Variants in SNX25 observed in about 807,000 individuals in gnomAD.
SNX25 encodes sorting nexin-25.
In SNX25, 62 loss-of-function variants were observed where a neutral mutation model predicts 113.7. The ratio of observed to expected loss-of-function variants is 0.55; its 90% CI spans 0.44 to 0.67. The LOEUF (loss-of-function observed/expected upper bound fraction) is 0.67. Ranked by LOEUF, SNX25 falls within the 30% of genes least tolerant of loss-of-function variation. The pLI is 0.00. For missense variants in SNX25, 1,014 were observed against 1,161.0 expected (o/e 0.87, Z 1.84); for synonymous variants, 421 against 436.2 (o/e 0.97, Z 0.43).
At chr4:185,371,398 T>C (rs149638520), downstream of SNX25, among the ~76,000 whole-genome samples, 3,530 of 151,864 alleles carry the variant, frequency 0.023, 51 homozygotes, top group Non-Finnish European at 0.028. Context: ...AAAAATTAGC[T>C]GGGCATGGTA....
chr4:185,371,345 C>G (rs111504964), downstream of SNX25, among the ~76,000 whole-genome samples: 4 of 152,124 alleles, frequency 2.6e-5, 1 homozygote, highest in African/African-American at 9.6e-5. Flanking sequence ...TGAGACCATC[C>G]TGGCTAACAT....
intron 10 of SNX25, among the ~76,000 whole-genome samples, chr4:185,335,770 T>C (rs1458318294): frequency 1.3e-5 from 2 of 152,162 alleles, no homozygotes; most frequent in East Asian, 3.8e-4. Flanking sequence ...ACACAAGTGA[T>C]GAGTAAATGC....
intron 2 of SNX25, among the ~76,000 whole-genome samples, chr4:185,251,551 A>G (rs1162852815): frequency 6.6e-6 from 1 of 151,056 alleles, no homozygotes; most frequent in African/African-American, 2.4e-5. Context: ...ATATTGTAGC[A>G]TGTGACAGGA....
At chr4:185,214,532 C>T (rs575388676) in intron 1 of SNX25, among the ~76,000 whole-genome samples, 35 of 152,042 alleles carry the variant, frequency 2.3e-4, no homozygotes, top group African/African-American at 5.1e-4. Context: ...ATGATCACAC[C>T]GCCATATTCC....
At chr4:185,314,993 C>T (rs951153510) in intron 7 of SNX25, among the ~76,000 whole-genome samples, 2 of 151,772 alleles carry the variant, frequency 1.3e-5, no homozygotes, top group Non-Finnish European at 2.9e-5. Flanking sequence ...CTTTGGGAGG[C>T]CGAGGCGGGC....
rs1174424034 is a variant in SNX25, at chr4:185,210,189, G to A, written c.363G>A (p.Gln121=). 2.0e-6 allele frequency: 2 copies of A among 984,952 alleles called. No homozygotes were observed. The highest frequency in any genetic ancestry group is 2.4e-6 in the Non-Finnish European group (2 of 830,322). 61.0% of individuals were successfully genotyped at this position (984,952 alleles called of 1,614,324 possible). A position where few individuals can be genotyped will look rare whatever the true frequency, so the allele number is the denominator to read the frequency against. Reference sequence around the variant, plus strand: ...TCGTCTGCCGGAGCCCGCGCGCCCAGCCGCCCGACTTCGCCGCCGCCTGGA... The same window carrying A: ...TCGTCTGCCGGAGCCCGCGCGCCCAACCGCCCGACTTCGCCGCCGCCTGGA... ...FALVCRSPRA[Q]PPDFAAAWSR... Residue 121 remains glutamine (Q), a synonymous_variant, in exon 1 of 19, where the codon CAG becomes CAA. Transcript: ENST00000652585. The surrounding 1 kb of genome is among the most constrained non-coding windows in gnomAD (Gnocchi z 4.4).
exon 1 of SNX25, chr4:185,204,445 ACCTTTG>A (rs2111442793): frequency 6.6e-6 from 1 of 152,354 alleles, no homozygotes; most frequent in East Asian, 1.9e-4. Flanking sequence ...GAATGGAAAG[ACCTTTG>A]CCGAGTGGTA....
At chr4:185,275,314 G>A (rs532269810) in intron 5 of SNX25, among the ~76,000 whole-genome samples, 12 of 152,270 alleles carry the variant, frequency 7.9e-5, no homozygotes, top group Non-Finnish European at 7.3e-5. Flanking sequence ...AAATTCAAAC[G>A]ATTAAGGATT....
At chr4:185,251,660 C>G (rs1021351929) in intron 2 of SNX25, among the ~76,000 whole-genome samples, 1 of 151,378 alleles carries the variant, frequency 6.6e-6, no homozygotes, top group African/African-American at 2.4e-5. Context: ...TATCCATTCA[C>G]TCATCAGTGG....
At chr4:185,343,890 A>C (rs876547) in intron 12 of SNX25, among the ~76,000 whole-genome samples, 15,561 of 152,190 alleles carry the variant, frequency 0.1, 1,271 homozygotes, top group African/African-American at 0.23. Flanking sequence ...TATCCATGCT[A>C]GCAAGGGGAG....
At chr4:185,358,308 A>G (rs1004504450) in intron 16 of SNX25, among the ~76,000 whole-genome samples, 5 of 152,226 alleles carry the variant, frequency 3.3e-5, no homozygotes, top group African/African-American at 9.6e-5. Flanking sequence ...TATATTATCC[A>G]TATACATAAA....
intron 1 of SNX25, among the ~76,000 whole-genome samples, chr4:185,218,692 A>T (rs1056089049): frequency 6.6e-6 from 1 of 152,258 alleles, no homozygotes; most frequent in African/African-American, 2.4e-5. Flanking sequence ...GGAATTGTGC[A>T]TCCTTAGGAT....
chr4:185,276,251 C>T (rs771722656), intron 5 of SNX25, among the ~76,000 whole-genome samples: 1 of 152,148 alleles, frequency 6.6e-6, no homozygotes, highest in Non-Finnish European at 1.5e-5. Context: ...AAGTACTTAA[C>T]TCAAGATATG....
At chr4:185,337,569 C>G (rs868233666) in intron 10 of SNX25, among the ~76,000 whole-genome samples, 5 of 152,256 alleles carry the variant, frequency 3.3e-5, no homozygotes, top group Middle Eastern at 3.4e-3. Context: ...TATGCAAATA[C>G]CTCTTAAAAA....
intron 1 of SNX25, among the ~76,000 whole-genome samples, chr4:185,213,107 A>G (rs1282518717): frequency 3.3e-5 from 5 of 152,242 alleles, no homozygotes; most frequent in African/African-American, 1.2e-4. Context: ...ATAGTGTAAT[A>G]GTTATCAAGT....
At chr4:185,328,871 C>T (rs2095174799) in intron 9 of SNX25, among the ~76,000 whole-genome samples, 1 of 152,018 alleles carries the variant, frequency 6.6e-6, no homozygotes, top group African/African-American at 2.4e-5. Flanking sequence ...GGATTTGGGA[C>T]TGAAGGCTTG....
chr4:185,319,507 T>C (rs1313854206), intron 7 of SNX25, among the ~76,000 whole-genome samples: 1 of 129,342 alleles, frequency 7.7e-6, no homozygotes, highest in African/African-American at 2.9e-5. Flanking sequence ...CCTGGGAAAG[T>C]CCATTCTTTT....
chr4:185,252,471 G>A (rs529889658), intron 2 of SNX25, among the ~76,000 whole-genome samples: 1 of 152,212 alleles, frequency 6.6e-6, no homozygotes, highest in South Asian at 2.1e-4. Context: ...AGTAATTTGA[G>A]TTCGGTTATA....
chr4:185,219,111 GTT>G (rs1739366067), intron 1 of SNX25, among the ~76,000 whole-genome samples: 1 of 152,112 alleles, frequency 6.6e-6, no homozygotes, highest in South Asian at 2.1e-4. Context: ...TGAGAAAGAC[GTT>G]CCCTGTTGGG....
Sources: gnomAD v4.1 joint callset for allele counts (sites outside exome capture counted in the v4.1 genomes callset) on GRCh38, gnomAD v4.1.1 for gene constraint, Gnocchi (gnomAD v3.1) non-coding constraint, MANE v1.5 for transcripts, NCBI Gene and HGNC (gene_info 2026-07-23, HGNC 2026-07-21) for gene names.